NBAS: variants seen among roughly 807,000 people sequenced by gnomAD.
The protein encoded by NBAS is NBAS subunit of NRZ tethering complex.
In NBAS, 219 loss-of-function variants were observed where a neutral mutation model predicts 302.5. That is an observed-to-expected ratio of 0.72 (90% confidence interval 0.65 to 0.81). The LOEUF (loss-of-function observed/expected upper bound fraction) is 0.81, where lower values mean the gene tolerates loss of function less well. NBAS is among the 30% of genes least tolerant of loss of function. The pLI is 0.00. For missense variants in NBAS, 2,932 were observed against 2,841.6 expected, an observed-to-expected ratio of 1.03 and a Z score of -0.72; for synonymous variants, 1,118 against 1,021.6, an observed-to-expected ratio of 1.09 and a Z score of -1.80.
the NBAS span, among the ~76,000 whole-genome samples, chr2:14,893,892 A>G: frequency 6.6e-6 from 1 of 152,192 alleles, no homozygotes; most frequent in African/African-American, 2.4e-5. Flanking sequence ...CAGTCTTTGC[A>G]ATGTTCCTTA....
At chr2:14,962,398 A>G in the NBAS span, among the ~76,000 whole-genome samples, 1 of 152,184 alleles carries the variant, frequency 6.6e-6, no homozygotes, top group Admixed American at 6.5e-5. Flanking sequence ...AATCCAAACT[A>G]AAGTATCCCT....
At chr2:15,445,048 CT>C (rs1299728499) in intron 21 of NBAS, among the ~76,000 whole-genome samples, 8 of 151,442 alleles carry the variant, frequency 5.3e-5, no homozygotes, top group African/African-American at 1.9e-4. Context: ...CACTTTTACA[CT>C]GTTGGTGGGA....
chr2:14,805,243 T>C, the NBAS span, among the ~76,000 whole-genome samples: 2 of 152,122 alleles, frequency 1.3e-5, no homozygotes, highest in Admixed American at 1.3e-4. Context: ...GAAAGGGTAG[T>C]CCTTGGGGCA....
intron 51 of NBAS, among the ~76,000 whole-genome samples, chr2:15,176,456 G>A (rs975779747): frequency 1.4e-5 from 2 of 148,062 alleles, no homozygotes; most frequent in South Asian, 2.1e-4. Flanking sequence ...ATGTCACATG[G>A]AGACACACAC....
the NBAS span, among the ~76,000 whole-genome samples, chr2:14,827,923 T>A: frequency 6.6e-6 from 1 of 152,306 alleles, no homozygotes; most frequent in African/African-American, 2.4e-5. Flanking sequence ...AGAGGATGGA[T>A]CTTATGTTAA....
At chr2:14,807,036 A>G in the NBAS span, among the ~76,000 whole-genome samples, 1 of 152,124 alleles carries the variant, frequency 6.6e-6, no homozygotes, top group Non-Finnish European at 1.5e-5. Flanking sequence ...GAAAAAAAAC[A>G]AAACAAAAAA....
At chr2:15,526,955 C>T (rs1243136374) in intron 9 of NBAS, among the ~76,000 whole-genome samples, 2 of 151,958 alleles carry the variant, frequency 1.3e-5, no homozygotes, top group Non-Finnish European at 2.9e-5. Flanking sequence ...ACTTACCTTC[C>T]TGAAATAATG....
At chr2:15,396,622 A>C (rs1051407188) in intron 26 of NBAS, 147 bp from the exon 27 acceptor site, 9 of 561,948 alleles carry the variant, frequency 1.6e-5, no homozygotes, top group Non-Finnish European at 9.4e-6. Context: ...AGCATTATTA[A>C]TGATTCAAGA....
the NBAS span, among the ~76,000 whole-genome samples, chr2:14,843,899 T>C: frequency 6.6e-6 from 1 of 152,134 alleles, no homozygotes; most frequent in African/African-American, 2.4e-5. Context: ...AGGAGAATTG[T>C]CCATCTCAGC....
chr2:14,930,886 G>A, the NBAS span, among the ~76,000 whole-genome samples: 1 of 152,224 alleles, frequency 6.6e-6, no homozygotes, highest in East Asian at 1.9e-4. Context: ...AGGGTAGGGA[G>A]ATGAAGGTAT....
the NBAS span, among the ~76,000 whole-genome samples, chr2:14,986,062 GA>G: frequency 6.4e-4 from 97 of 152,212 alleles, 1 homozygote; most frequent in Non-Finnish European, 7.1e-4. Context: ...CATTTGGTTA[GA>G]ATTCACATGT....
intron 6 of NBAS, among the ~76,000 whole-genome samples, chr2:15,549,941 C>T (rs910076808): frequency 4.6e-5 from 7 of 151,974 alleles, no homozygotes; most frequent in Admixed American, 3.3e-4. Flanking sequence ...CTGCTTGAGC[C>T]CAGGAGTTTG....
At chr2:14,868,220 G>T in the NBAS span, among the ~76,000 whole-genome samples, 9 of 152,272 alleles carry the variant, frequency 5.9e-5, no homozygotes, top group Middle Eastern at 3.4e-3. Context: ...TCAAGTTTTT[G>T]ATTGTTGTAC....
the NBAS span, among the ~76,000 whole-genome samples, chr2:14,887,399 C>CAAAAAAAAAAAAA: frequency 6.8e-3 from 574 of 84,504 alleles, 53 homozygotes; most frequent in African/African-American, 0.025. Flanking sequence ...TGAGACTCCT[C>CAAAAAAAAAAAAA]AAAAAAAAAA....
At chr2:14,931,942 C>CT in the NBAS span, among the ~76,000 whole-genome samples, 1 of 152,148 alleles carries the variant, frequency 6.6e-6, no homozygotes, top group Non-Finnish European at 1.5e-5. Flanking sequence ...AGGTTTTTAA[C>CT]TTTTTTTCTG....
intron 41 of NBAS, among the ~76,000 whole-genome samples, chr2:15,288,803 G>A (rs574439896): frequency 6.6e-6 from 1 of 152,326 alleles, no homozygotes; most frequent in East Asian, 1.9e-4. Flanking sequence ...ATTTCCCCAA[G>A]CTAAGGAAAC....
At chr2:15,179,254 A>T (rs1367271001) in intron 50 of NBAS, 138 bp from the exon 51 acceptor site, 4 of 1,254,596 alleles carry the variant, frequency 3.2e-6, no homozygotes, top group Non-Finnish European at 4.5e-6. Flanking sequence ...ACCGCACTGG[A>T]TATACTGAAT....
chr2:15,530,088 C>T (rs1469903956), intron 9 of NBAS, among the ~76,000 whole-genome samples: 1 of 152,084 alleles, frequency 6.6e-6, no homozygotes, highest in Non-Finnish European at 1.5e-5. Context: ...TTTCAGTTAG[C>T]TAGATTTTTG....
chr2:15,551,720 G>C (rs1045381802), intron 5 of NBAS, among the ~76,000 whole-genome samples, 184 bp from the exon 6 acceptor site: 1 of 152,038 alleles, frequency 6.6e-6, no homozygotes, highest in African/African-American at 2.4e-5. Flanking sequence ...CAACCTTATT[G>C]CATCAGATAC....
Sources: allele counts gnomAD v4.1 joint callset (sites outside exome capture counted in the v4.1 genomes callset), GRCh38; gene constraint gnomAD v4.1.1; transcripts MANE v1.5; gene names NCBI Gene and HGNC (gene_info 2026-07-23, HGNC 2026-07-21).